The following C8orf34 variants were observed in gnomAD, a reference collection of about 807,000 sequenced individuals.
C8orf34 encodes chromosome 8 open reading frame 34, also known as uncharacterized protein C8orf34.
Under a neutral mutation model 68.3 loss-of-function variants are expected in C8orf34, and 65 were observed. The ratio of observed to expected loss-of-function variants is 0.95; its 90% CI spans 0.78 to 1.17. C8orf34 has a LOEUF of 1.17. C8orf34 is among the 50% of genes most tolerant of loss of function. C8orf34 has a pLI of 0.00. For missense variants in C8orf34, 664 were observed against 655.4 expected (o/e 1.01, Z -0.14); for synonymous variants, 244 against 241.2 (o/e 1.01, Z -0.11).
intron 1 of C8orf34, among the ~76,000 whole-genome samples, chr8:68,399,301 A>G (rs546536402): frequency 4.0e-5 from 6 of 151,188 alleles, no homozygotes; most frequent in African/African-American, 1.5e-4. Flanking sequence ...CTCATCATCA[A>G]CCCCCCGTTC....
chr8:68,595,302 C>G (rs560389993), intron 7 of C8orf34, among the ~76,000 whole-genome samples: 3 of 151,940 alleles, frequency 2.0e-5, no homozygotes, highest in African/African-American at 7.2e-5. Flanking sequence ...ATCTTTGATA[C>G]AAGTGTAAGG....
chr8:68,759,183 T>A (rs1179240973), intron 10 of C8orf34, among the ~76,000 whole-genome samples: 1 of 152,182 alleles, frequency 6.6e-6, no homozygotes, highest in Admixed American at 6.5e-5. Context: ...TCACATTTTT[T>A]ACCCATTATA....
At chr8:68,496,004 G>T (rs1170971680) in intron 5 of C8orf34, among the ~76,000 whole-genome samples, 1 of 152,082 alleles carries the variant, frequency 6.6e-6, no homozygotes, top group African/African-American at 2.4e-5. Flanking sequence ...GCCTTTTGCT[G>T]GTTTTCCTAC....
At chr8:68,584,086 G>A (rs1453676974) in intron 7 of C8orf34, among the ~76,000 whole-genome samples, 2 of 152,174 alleles carry the variant, frequency 1.3e-5, no homozygotes, top group African/African-American at 2.4e-5. Context: ...CTCTCTAGCT[G>A]TGGGTTCACA....
chr8:68,614,301 G>C lies in C8orf34; in HGVS notation c.1106-26075G>C, dbSNP rs372809608. Among the ~76,000 whole-genome samples, 1,186 of 151,842 alleles carry C rather than the reference G, an allele frequency of 7.8e-3. 14 individuals are homozygous for C. The highest frequency in any genetic ancestry group is 0.026 in the African/African-American group (1,079 of 41,374). On this transcript the variant is annotated intron_variant, in intron 7 of 13. Transcript: ENST00000518698. ...AGAAGCTCTTTAGTTTAATTAGATCGCATTTGTCAATTTTGGCTTTTGTTG... is the reference window on the plus strand; with the variant it reads ...AGAAGCTCTTTAGTTTAATTAGATCCCATTTGTCAATTTTGGCTTTTGTTG...
chr8:68,661,050 CTG>C (rs1278966416), intron 8 of C8orf34, among the ~76,000 whole-genome samples: 1 of 152,170 alleles, frequency 6.6e-6, no homozygotes, highest in African/African-American at 2.4e-5. Flanking sequence ...AGGAAAGACT[CTG>C]GGCATGTGGT....
chr8:68,368,982 A>G (rs1807436668), intron 1 of C8orf34, among the ~76,000 whole-genome samples: 1 of 152,166 alleles, frequency 6.6e-6, no homozygotes, highest in Non-Finnish European at 1.5e-5. Context: ...GAAGTTGAGC[A>G]TTATCTTCAC....
chr8:68,621,502 A>G (rs1281835624), intron 7 of C8orf34, among the ~76,000 whole-genome samples: 2 of 152,240 alleles, frequency 1.3e-5, no homozygotes, highest in Admixed American at 6.5e-5. Flanking sequence ...ATAATTTAAA[A>G]TAGCAAAACT....
intron 10 of C8orf34, among the ~76,000 whole-genome samples, chr8:68,742,596 C>T (rs562277194): frequency 1.6e-4 from 25 of 152,326 alleles, no homozygotes; most frequent in Non-Finnish European, 3.2e-4. Flanking sequence ...TTTAACACTT[C>T]TCTTTCGACT....
intron 7 of C8orf34, among the ~76,000 whole-genome samples, chr8:68,559,807 A>G (rs1563530116): frequency 6.6e-6 from 1 of 152,200 alleles, no homozygotes; most frequent in Non-Finnish European, 1.5e-5. Flanking sequence ...GGTACATGCT[A>G]TGATGTAGCA....
intron 5 of C8orf34, among the ~76,000 whole-genome samples, chr8:68,491,685 T>G (rs1235096221): frequency 6.6e-6 from 1 of 152,210 alleles, no homozygotes; most frequent in East Asian, 1.9e-4. Flanking sequence ...GCAAAGTCCT[T>G]TTGCATATTC....
chr8:68,446,555 A>G (rs1196053440), intron 3 of C8orf34, 95 bp downstream of exon 3: 2 of 1,320,158 alleles, frequency 1.5e-6, no homozygotes, highest in Non-Finnish European at 2.1e-6. Context: ...CCAACTTTTC[A>G]TCTGATATTT....
At chr8:68,472,658 T>C (rs1327841622) in intron 4 of C8orf34, among the ~76,000 whole-genome samples, 1 of 152,180 alleles carries the variant, frequency 6.6e-6, no homozygotes, top group Non-Finnish European at 1.5e-5. Flanking sequence ...AGTAGAAAAG[T>C]AATGTTTGCC....
chr8:68,466,213 G>A (rs1812127327), intron 3 of C8orf34, among the ~76,000 whole-genome samples: 1 of 151,944 alleles, frequency 6.6e-6, no homozygotes, highest in Non-Finnish European at 1.5e-5. Context: ...ATAGATAACA[G>A]TGACTGGGAA....
intron 8 of C8orf34, among the ~76,000 whole-genome samples, chr8:68,669,181 T>C (rs1585702311): frequency 6.6e-6 from 1 of 152,158 alleles, no homozygotes; most frequent in African/African-American, 2.4e-5. Context: ...CTTTCGATGA[T>C]GATAATGCCA....
chr8:68,610,313 C>G (rs1817979080), intron 7 of C8orf34, among the ~76,000 whole-genome samples: 1 of 152,054 alleles, frequency 6.6e-6, no homozygotes, highest in Non-Finnish European at 1.5e-5. Context: ...GGAGAATGTA[C>G]TGTTTGTGGC....
chr8:68,692,258 G>A (rs1820707134), intron 8 of C8orf34, among the ~76,000 whole-genome samples: 1 of 152,042 alleles, frequency 6.6e-6, no homozygotes, highest in South Asian at 2.1e-4. Flanking sequence ...TGAATGAATA[G>A]GAGATAGGTT....
intron 7 of C8orf34, among the ~76,000 whole-genome samples, chr8:68,584,243 C>T (rs1359047043): frequency 6.6e-6 from 1 of 152,018 alleles, no homozygotes; most frequent in Non-Finnish European, 1.5e-5. Context: ...CCATTTTGCC[C>T]CCAAACTCAA....
At chr8:68,331,783 CTTTTT>C (rs552564162) in intron 1 of C8orf34, among the ~76,000 whole-genome samples, 1,125 of 29,422 alleles carry the variant, frequency 0.038, 15 homozygotes, top group Non-Finnish European at 0.059. Context: ...TTCTTTCCTT[CTTTTT>C]TTTTTTTTTT....
Sources: allele counts gnomAD v4.1 joint callset (sites outside exome capture counted in the v4.1 genomes callset), GRCh38; gene constraint gnomAD v4.1.1; transcripts MANE v1.5; gene names NCBI Gene and HGNC (gene_info 2026-07-23, HGNC 2026-07-21).